PCDHA5: variants seen among roughly 807,000 people sequenced by gnomAD.
The protein encoded by PCDHA5 is protocadherin alpha-5.
A neutral mutation model predicts 61.6 loss-of-function variants in PCDHA5; 43 were observed. The ratio of observed to expected loss-of-function variants is 0.70; its 90% CI spans 0.55 to 0.90. PCDHA5 has a LOEUF of 0.90. PCDHA5 is among the 40% of genes least tolerant of loss of function. The pLI is 0.00. For synonymous variants in PCDHA5, 627 were observed against 543.9 expected, an observed-to-expected ratio of 1.15 and a Z score of -2.13; for missense variants, 1,298 against 1,222.7, an observed-to-expected ratio of 1.06 and a Z score of -0.92.
In PCDHA5 at chr5:140,876,830, C is replaced by T. The variant is rs199585768; in HGVS notation, c.2352+52703C>T. The T allele has an allele frequency of 3.4e-4, 552 of 1,614,204 alleles. 1 individual carries two copies. Among genetic ancestry groups the T allele is most frequent in the South Asian group, 1.5e-3 (138 of 91,090 alleles). On this transcript the variant is annotated intron_variant, in intron 1 of 3. Coordinates refer to ENST00000529859, the MANE Select transcript of PCDHA5 (RefSeq NM_018908.3). ...GTGGCCGACGTGAACGACAATGCGC[C>T]TGCGTTCGCGCAGCCCGAGTACACA...
chr5:140,984,960 CAG>C (rs1387655082), intron 3 of PCDHA5, among the ~76,000 whole-genome samples: 2 of 151,386 alleles, frequency 1.3e-5, no homozygotes, highest in African/African-American at 4.9e-5. Context: ...TTTTTTGAGA[CAG>C]AGTCTCGCTC....
At chr5:140,891,970 C>T (rs1554185021) in intron 1 of PCDHA5, among the ~76,000 whole-genome samples, 1 of 152,168 alleles carries the variant, frequency 6.6e-6, no homozygotes, top group African/African-American at 2.4e-5. Flanking sequence ...AGTAAATTTC[C>T]GTTCTCATAA....
chr5:140,870,145 G>A, intron 1 of PCDHA5: 1 of 1,614,088 alleles, frequency 6.2e-7, no homozygotes, highest in Non-Finnish European at 8.5e-7. Context: ...TAACTCTCCT[G>A]AAGTCGCCGT....
chr5:140,831,986 C>G (rs915163215), intron 1 of PCDHA5, among the ~76,000 whole-genome samples: 1 of 152,134 alleles, frequency 6.6e-6, no homozygotes, highest in African/African-American at 2.4e-5. Flanking sequence ...ACTCTCATTA[C>G]GGATTCCATA....
In PCDHA5 at chr5:140,830,639, G is replaced by A. The variant is rs1157735992; in HGVS notation, c.2352+6512G>A. The A allele has an allele frequency of 8.1e-6, 4 of 496,850 alleles. No homozygotes were observed. In the South Asian group the frequency reaches 1.8e-4, roughly 23 times the overall value. The allele number at this position is 496,850 out of a possible 1,614,324, so 30.8% of individuals were successfully genotyped here. A position where few individuals can be genotyped will look rare whatever the true frequency, so the allele number is the denominator to read the frequency against. ...TTGTGTTTCTTATTTTAATCTCTTT[G>A]CTTCTTTAATATTCATAATTTAAGT... On this transcript the variant is annotated intron_variant, in intron 1 of 3. Coordinates refer to ENST00000529859, the MANE Select transcript of PCDHA5 (RefSeq NM_018908.3).
At chr5:140,884,820 T>A (rs1318105542) in intron 1 of PCDHA5, 2 of 1,013,184 alleles carry the variant, frequency 2.0e-6, no homozygotes, top group Non-Finnish European at 2.8e-6. Context: ...GTGGACATTA[T>A]GTGTTGGATT....
chr5:140,922,735 G>C (rs1370700616), intron 1 of PCDHA5, among the ~76,000 whole-genome samples: 1 of 152,078 alleles, frequency 6.6e-6, no homozygotes, highest in Non-Finnish European at 1.5e-5. Context: ...ACAAGGTTGA[G>C]AAAAATAAAT....
intron 1 of PCDHA5, chr5:140,841,348 G>A: frequency 6.2e-7 from 1 of 1,612,736 alleles, no homozygotes; most frequent in Non-Finnish European, 8.5e-7. Context: ...GAGGAGAGCT[G>A]GGATCCTGGC....
chr5:141,002,497 CT>C (rs1310638544), intron 3 of PCDHA5, among the ~76,000 whole-genome samples: 1 of 152,204 alleles, frequency 6.6e-6, no homozygotes, highest in Non-Finnish European at 1.5e-5. Flanking sequence ...TGTTATACAG[CT>C]CAGGATCTGA....
intron 1 of PCDHA5, chr5:140,968,651 GA>G: frequency 6.2e-7 from 1 of 1,614,154 alleles, no homozygotes; most frequent in Non-Finnish European, 8.5e-7. Flanking sequence ...CCAGACTTCT[GA>G]CCTGGACCTC....
At chr5:140,864,663 C>G (rs75209206) in intron 1 of PCDHA5, 1 of 152,176 alleles carries the variant, frequency 6.6e-6, no homozygotes, top group African/African-American at 2.4e-5. Flanking sequence ...ACTTAATTAC[C>G]TGTTGACTTA....
intron 1 of PCDHA5, chr5:140,861,034 G>A (rs1262696550): frequency 1.3e-5 from 2 of 152,270 alleles, no homozygotes; most frequent in Admixed American, 6.5e-5. Context: ...CGGCCGAAAG[G>A]TATTTTTTTT....
In PCDHA5 at chr5:140,838,333, C is replaced by G. The variant is rs2150288073; in HGVS notation, c.2352+14206C>G. 4.4e-4 allele frequency among the ~76,000 whole-genome samples: 66 copies of G among 149,884 alleles called. 1 individual carries two copies. In the East Asian group the frequency reaches 0.012, roughly 26 times the overall value. ...GAAACAGAGTTTCACCATGTTGCCC[C>G]GGCTGGTCTCGAAATCTGGGACTCA... On this transcript the variant is annotated intron_variant, in intron 1 of 3. Transcript: ENST00000529859.
intron 1 of PCDHA5, among the ~76,000 whole-genome samples, chr5:140,915,921 T>C (rs2077370703): frequency 6.6e-6 from 1 of 152,286 alleles, no homozygotes; most frequent in African/African-American, 2.4e-5. Context: ...GAGATGCTAC[T>C]TGGGAGTCAG....
intron 2 of PCDHA5, among the ~76,000 whole-genome samples, chr5:140,982,139 A>G (rs1381844546): frequency 1.3e-5 from 2 of 152,260 alleles, no homozygotes; most frequent in Non-Finnish European, 2.9e-5. Flanking sequence ...AGCCCTCCTC[A>G]TCTGCTTCAG....
intron 1 of PCDHA5, among the ~76,000 whole-genome samples, chr5:140,960,819 G>A (rs1287793882): frequency 1.3e-5 from 2 of 152,146 alleles, no homozygotes; most frequent in Admixed American, 6.5e-5. Context: ...CCCAAGTGAT[G>A]AATGGAAACT....
At chr5:140,944,060 T>G in intron 1 of PCDHA5, among the ~76,000 whole-genome samples, 1 of 152,204 alleles carries the variant, frequency 6.6e-6, no homozygotes, top group Non-Finnish European at 1.5e-5. Flanking sequence ...ACAAAAAGGT[T>G]TCTTGTTAAA....
At chr5:140,828,531 T>G in intron 1 of PCDHA5, 3 of 1,614,256 alleles carry the variant, frequency 1.9e-6, no homozygotes, top group Non-Finnish European at 2.5e-6. Flanking sequence ...GAATCTAGGC[T>G]GCCAGATTCT....
intron 3 of PCDHA5, among the ~76,000 whole-genome samples, chr5:140,983,854 T>C (rs1554245766): frequency 6.6e-6 from 1 of 152,206 alleles, no homozygotes; most frequent in Admixed American, 6.5e-5. Flanking sequence ...TTAAGTAACA[T>C]GCAGCTAAGG....
Sources: gnomAD v4.1 joint callset for allele counts (sites outside exome capture counted in the v4.1 genomes callset) on GRCh38, gnomAD v4.1.1 for gene constraint, MANE v1.5 for transcripts, NCBI Gene and HGNC (gene_info 2026-07-23, HGNC 2026-07-21) for gene names.